Variants in FHIT observed in about 807,000 individuals in gnomAD.
The protein encoded by FHIT is fragile histidine triad diadenosine triphosphatase.
A neutral mutation model predicts 17.9 loss-of-function variants in FHIT; 19 were observed. The ratio of observed to expected loss-of-function variants is 1.06; its 90% CI spans 0.74 to 1.56. The LOEUF (loss-of-function observed/expected upper bound fraction) is 1.56. Ranked by LOEUF, FHIT falls within the 40% of genes most tolerant of loss-of-function variation. FHIT has a pLI of 0.00. For synonymous variants in FHIT, 81 were observed against 69.7 expected (o/e 1.16, Z -0.81); for missense variants, 248 against 189.2 (o/e 1.31, Z -1.82).
At chr3:59,986,746 T>A (rs1297794986) in intron 7 of FHIT, among the ~76,000 whole-genome samples, 17 of 424 alleles carry the variant, frequency 0.04, 3 homozygotes, top group African/African-American at 0.23. Flanking sequence ...ATACATATAT[T>A]TATATATATA....
intron 5 of FHIT, among the ~76,000 whole-genome samples, chr3:60,285,394 T>C (rs907682936): frequency 6.6e-6 from 1 of 152,136 alleles, no homozygotes; most frequent in Non-Finnish European, 1.5e-5. Flanking sequence ...CCCATAAAAG[T>C]ACATTTTTAA....
chr3:61,193,583 G>C (rs374596354), intron 2 of FHIT, among the ~76,000 whole-genome samples: 18 of 152,112 alleles, frequency 1.2e-4, no homozygotes, highest in African/African-American at 4.1e-4. Flanking sequence ...ACACCACTTA[G>C]AACTTCCCAA....
chr3:60,799,309 G>C (rs1701101474), intron 4 of FHIT, among the ~76,000 whole-genome samples: 1 of 152,144 alleles, frequency 6.6e-6, no homozygotes, highest in South Asian at 2.1e-4. Flanking sequence ...CACGTAGCTG[G>C]GATCACGGGC....
Position 61,109,982 on chromosome 3 carries a change from C to T in FHIT, c.-163-67883G>A, listed in dbSNP as rs144821566. Among the ~76,000 whole-genome samples the T allele has an allele frequency of 6.0e-3, 914 of 152,256 alleles. 7 individuals are homozygous for T. The highest frequency in any genetic ancestry group is 0.021 in the African/African-American group (859 of 41,554). On this transcript the variant is annotated intron_variant, in intron 2 of 9. Coordinates refer to ENST00000492590, the MANE Select transcript of FHIT (RefSeq NM_002012.4). ...CCTGACCTCCAAAATCAAGCCACCA[C>T]CAAGTCTTGGCAAGAAGGGCTACAA...
intron 8 of FHIT, among the ~76,000 whole-genome samples, chr3:59,797,120 CAAGGAAAACAGAG>C (rs75540176): frequency 0.1 from 15,673 of 151,834 alleles, 948 homozygotes; most frequent in South Asian, 0.21. Flanking sequence ...GTAAGACAGA[CAAGGAAAACAGAG>C]AAGTTTTCCA....
chr3:60,066,515 C>A (rs2106948652), intron 5 of FHIT, among the ~76,000 whole-genome samples: 1 of 152,088 alleles, frequency 6.6e-6, no homozygotes, highest in Admixed American at 6.5e-5. Context: ...ACTGTTCTGG[C>A]CCTAATGACC....
intron 8 of FHIT, among the ~76,000 whole-genome samples, chr3:59,777,490 C>T (rs1702385895): frequency 6.6e-6 from 1 of 152,186 alleles, no homozygotes. Flanking sequence ...TTCTTAGCTT[C>T]TGAGCCTTTG....
chr3:60,761,698 C>CAA, intron 4 of FHIT, among the ~76,000 whole-genome samples: 1 of 148,734 alleles, frequency 6.7e-6, no homozygotes, highest in Middle Eastern at 3.5e-3. Flanking sequence ...TTAAATACTT[C>CAA]AACTGTGACA....
intron 1 of FHIT, among the ~76,000 whole-genome samples, chr3:61,245,401 C>T (rs777408887): frequency 6.6e-5 from 10 of 152,154 alleles, no homozygotes; most frequent in Admixed American, 3.3e-4. Flanking sequence ...TTTGCTCTAT[C>T]GAGTCCATTC....
At chr3:60,591,951 G>T (rs1357524219) in intron 4 of FHIT, among the ~76,000 whole-genome samples, 5 of 151,824 alleles carry the variant, frequency 3.3e-5, no homozygotes, top group African/African-American at 1.2e-4. Context: ...ATTAATTTGG[G>T]TTACATGGTC....
At chr3:60,846,580 T>C (rs1428931752) in intron 3 of FHIT, among the ~76,000 whole-genome samples, 3 of 152,138 alleles carry the variant, frequency 2.0e-5, no homozygotes, top group African/African-American at 7.2e-5. Flanking sequence ...AGAAAATCAG[T>C]TGAGTTAGAA....
At chr3:61,091,792 T>C (rs2035490640) in intron 2 of FHIT, among the ~76,000 whole-genome samples, 1 of 151,568 alleles carries the variant, frequency 6.6e-6, no homozygotes. Flanking sequence ...TACAAAAATT[T>C]AGCTGGGCGT....
At chr3:60,323,651 T>G (rs1234114808) in intron 5 of FHIT, among the ~76,000 whole-genome samples, 1 of 152,222 alleles carries the variant, frequency 6.6e-6, no homozygotes, top group African/African-American at 2.4e-5. Context: ...CCTCCTGTAC[T>G]ATCATTCCGG....
chr3:60,546,976 A>C (rs2036388474), intron 4 of FHIT, among the ~76,000 whole-genome samples: 1 of 152,202 alleles, frequency 6.6e-6, no homozygotes, highest in Non-Finnish European at 1.5e-5. Flanking sequence ...TTTTAATTTC[A>C]ATGAAGAAGA....
At chr3:59,856,992 A>G (rs1702185346) in intron 8 of FHIT, among the ~76,000 whole-genome samples, 1 of 152,204 alleles carries the variant, frequency 6.6e-6, no homozygotes, top group African/African-American at 2.4e-5. Context: ...CCAAAGTCAC[A>G]TAAGTTGCAA....
In FHIT at chr3:60,741,272, C is replaced by T. The variant is rs150130737; in HGVS notation, c.-18+80647G>A. On this transcript the variant is annotated intron_variant, in intron 4 of 9. Coordinates refer to ENST00000492590, the MANE Select transcript of FHIT (RefSeq NM_002012.4). ...CCTCAAACCTCTGTTTCAGCACCTA[C>T]TGTGTTGTGCCAAGTTATTTCTCAT... Among the ~76,000 whole-genome samples, 1,465 of 152,320 alleles carry T rather than the reference C, an allele frequency of 9.6e-3. 15 individuals carry two copies. Among genetic ancestry groups the T allele is most frequent in the Non-Finnish European group, 0.015 (1,025 of 68,024 alleles).
intron 4 of FHIT, among the ~76,000 whole-genome samples, chr3:60,713,009 T>C (rs1415837171): frequency 3.3e-5 from 5 of 151,480 alleles, no homozygotes; most frequent in Non-Finnish European, 7.4e-5. Context: ...TGTTCTAAAA[T>C]TGACCACATA....
intron 3 of FHIT, among the ~76,000 whole-genome samples, chr3:60,988,225 A>C (rs1034974448): frequency 6.6e-6 from 1 of 152,258 alleles, no homozygotes; most frequent in Non-Finnish European, 1.5e-5. Flanking sequence ...TTGCTACAAC[A>C]TAAGAGAAAA....
chr3:60,822,168 C>T (rs144443696), intron 3 of FHIT, among the ~76,000 whole-genome samples, 157 bp from the exon 4 acceptor site: 1 of 152,292 alleles, frequency 6.6e-6, no homozygotes, highest in African/African-American at 2.4e-5. Flanking sequence ...TTTTTGCAGG[C>T]ATTGTCATTA....
Sources: gnomAD v4.1 joint callset for allele counts (sites outside exome capture counted in the v4.1 genomes callset) on GRCh38, gnomAD v4.1.1 for gene constraint, MANE v1.5 for transcripts, NCBI Gene and HGNC (gene_info 2026-07-23, HGNC 2026-07-21) for gene names.